PPFIA2: variants seen among roughly 807,000 people sequenced by gnomAD.
The protein encoded by PPFIA2 is PPFI scaffold protein A2, also known as liprin-alpha-2.
In PPFIA2, 46 loss-of-function variants were observed where a neutral mutation model predicts 175.5. The ratio of observed to expected loss-of-function variants is 0.26; its 90% CI spans 0.21 to 0.34. PPFIA2 has a LOEUF of 0.34. Among genes scored for constraint, PPFIA2 ranks in the 10% least tolerant of loss-of-function variants. PPFIA2 has a pLI of 1.00. For missense variants in PPFIA2, 1,179 were observed against 1,506.1 expected, an observed-to-expected ratio of 0.78 and a Z score of 3.60; for synonymous variants, 568 against 511.4, an observed-to-expected ratio of 1.11 and a Z score of -1.49.
chr12:81,284,019 G>T (rs1424075902), intron 25 of PPFIA2, among the ~76,000 whole-genome samples: 1 of 152,010 alleles, frequency 6.6e-6, no homozygotes, highest in Non-Finnish European at 1.5e-5. Flanking sequence ...TATTGTTTGT[G>T]TACTATAAGC....
At chr12:81,484,844 A>G (rs1158269894) in intron 4 of PPFIA2, among the ~76,000 whole-genome samples, 2 of 151,922 alleles carry the variant, frequency 1.3e-5, no homozygotes, top group Non-Finnish European at 1.5e-5. Context: ...CTAATTTTGG[A>G]GATGAAATTT....
chr12:81,525,025 T>C (rs1270192905), intron 4 of PPFIA2, among the ~76,000 whole-genome samples: 3 of 152,172 alleles, frequency 2.0e-5, no homozygotes, highest in Non-Finnish European at 2.9e-5. Context: ...TGAGGGTGCC[T>C]TGATCTTGGA....
At chr12:81,325,704 T>C in intron 22 of PPFIA2, 73 bp downstream of exon 22, 1 of 1,136,958 alleles carries the variant, frequency 8.8e-7, no homozygotes, top group Non-Finnish European at 1.3e-6. Flanking sequence ...AACCACTCTC[T>C]TTTTAATTCC....
chr12:81,527,073 T>G (rs944295577), intron 4 of PPFIA2, among the ~76,000 whole-genome samples: 1 of 152,152 alleles, frequency 6.6e-6, no homozygotes, highest in Non-Finnish European at 1.5e-5. Context: ...GCAAAATCCA[T>G]GCCAATGATA....
chr12:81,407,006 C>A (rs1310556351), intron 7 of PPFIA2, among the ~76,000 whole-genome samples: 1 of 152,150 alleles, frequency 6.6e-6, no homozygotes, highest in African/African-American at 2.4e-5. Flanking sequence ...TATATGATCT[C>A]TGGTATTTGA....
chr12:81,330,460 A>C (rs536071935), intron 21 of PPFIA2, among the ~76,000 whole-genome samples: 1 of 152,280 alleles, frequency 6.6e-6, no homozygotes, highest in African/African-American at 2.4e-5. Context: ...TATGACATAC[A>C]TATTCTTATC....
intron 5 of PPFIA2, among the ~76,000 whole-genome samples, chr12:81,450,506 T>C (rs1399031470): frequency 2.0e-5 from 3 of 152,188 alleles, no homozygotes; most frequent in Non-Finnish European, 2.9e-5. Flanking sequence ...TTCTTGTAAA[T>C]TTGTTTGAGT....
chr12:81,298,796 T>C (rs1214473243), intron 23 of PPFIA2, among the ~76,000 whole-genome samples: 2 of 152,188 alleles, frequency 1.3e-5, no homozygotes, highest in African/African-American at 4.8e-5. Flanking sequence ...CAGAAGGGAA[T>C]AAGGTGTAAG....
At chr12:81,378,973 C>A (rs11832189) in intron 9 of PPFIA2, among the ~76,000 whole-genome samples, 9,889 of 152,002 alleles carry the variant, frequency 0.065, 433 homozygotes, top group African/African-American at 0.13. Flanking sequence ...CAGAAAACAC[C>A]CTCGATAAAT....
intron 3 of PPFIA2, among the ~76,000 whole-genome samples, chr12:81,681,044 C>T (rs1051091613): frequency 5.3e-5 from 8 of 152,046 alleles, no homozygotes; most frequent in Admixed American, 1.3e-4. Flanking sequence ...TTTATGCTGA[C>T]TGTGTAAGTA....
At chr12:81,592,407 G>A (rs2058765930) in intron 4 of PPFIA2, among the ~76,000 whole-genome samples, 1 of 152,134 alleles carries the variant, frequency 6.6e-6, no homozygotes, top group African/African-American at 2.4e-5. Context: ...AGACATTTGG[G>A]ATGGGTCTGG....
intron 4 of PPFIA2, among the ~76,000 whole-genome samples, chr12:81,632,599 T>C (rs970983078): frequency 2.6e-5 from 4 of 152,214 alleles, no homozygotes; most frequent in African/African-American, 9.6e-5. Context: ...TCCTTCATTC[T>C]TGCCCTCTTT....
At chr12:81,746,600 A>G (rs2153659988) in intron 3 of PPFIA2, among the ~76,000 whole-genome samples, 1 of 144,504 alleles carries the variant, frequency 6.9e-6, no homozygotes, top group East Asian at 2.1e-4. Context: ...TTTGTTGTTA[A>G]TTGTACTTGT....
intron 3 of PPFIA2, among the ~76,000 whole-genome samples, chr12:81,724,499 C>T (rs1379259095): frequency 6.6e-6 from 1 of 150,822 alleles, no homozygotes; most frequent in Non-Finnish European, 1.5e-5. Flanking sequence ...CTTTCTGAGT[C>T]TCCAGTGTTT....
intron 30 of PPFIA2, 58 bp downstream of exon 30, chr12:81,266,894 T>C (rs1220245598): frequency 8.3e-7 from 1 of 1,205,050 alleles, no homozygotes; most frequent in Non-Finnish European, 1.2e-6. Context: ...AAAACAAAGA[T>C]GTTCTATCAT....
chr12:81,633,748 A>G (rs1203197341), intron 4 of PPFIA2, among the ~76,000 whole-genome samples: 2 of 152,084 alleles, frequency 1.3e-5, no homozygotes, highest in Non-Finnish European at 2.9e-5. Flanking sequence ...AATGGAGAAT[A>G]TTAGACAAGA....
chr12:81,699,239 T>C (rs535649469), intron 3 of PPFIA2, among the ~76,000 whole-genome samples: 326 of 152,184 alleles, frequency 2.1e-3, no homozygotes, highest in Non-Finnish European at 3.6e-3. Context: ...TGACTTAAAA[T>C]TGATTTGTTT....
intron 17 of PPFIA2, among the ~76,000 whole-genome samples, chr12:81,348,596 C>G (rs1449061426): frequency 3.3e-5 from 5 of 151,870 alleles, no homozygotes; most frequent in East Asian, 1.9e-4. Flanking sequence ...ATCAGCCAGG[C>G]ATGGTGGTGC....
intron 4 of PPFIA2, among the ~76,000 whole-genome samples, chr12:81,618,142 G>C (rs1052177282): frequency 2.6e-5 from 4 of 152,104 alleles, no homozygotes; most frequent in African/African-American, 9.7e-5. Context: ...CAACACTTCT[G>C]AGAGGCCCAG....
Sources: allele counts gnomAD v4.1 joint callset (sites outside exome capture counted in the v4.1 genomes callset), GRCh38; gene constraint gnomAD v4.1.1; transcripts MANE v1.5; gene names NCBI Gene and HGNC (gene_info 2026-07-23, HGNC 2026-07-21).